EML1: variants seen among roughly 807,000 people sequenced by gnomAD.
EML1 encodes echinoderm microtubule-associated protein-like 1.
Under a neutral mutation model 110.4 loss-of-function variants are expected in EML1, and 27 were observed. The ratio of observed to expected loss-of-function variants is 0.24; its 90% CI spans 0.18 to 0.34. EML1 has a LOEUF of 0.34. Ranked by LOEUF, EML1 falls within the 10% of genes least tolerant of loss-of-function variation. The probability of loss-of-function intolerance (pLI) is 1.00; values close to 1 mark genes in which losing one functional copy is unlikely to be tolerated. For missense variants in EML1, 741 were observed against 1,030.9 expected (o/e 0.72, Z 3.85); for synonymous variants, 344 against 385.8 (o/e 0.89, Z 1.27).
At chr14:99,875,868 T>C (rs1715328535) in intron 3 of EML1, among the ~76,000 whole-genome samples, 1 of 152,196 alleles carries the variant, frequency 6.6e-6, no homozygotes, top group Admixed American at 6.5e-5. Flanking sequence ...TGTCCCCAAA[T>C]TGAGCATTCT....
intron 4 of EML1, among the ~76,000 whole-genome samples, chr14:99,880,255 T>TA (rs1408002579): frequency 2.0e-5 from 3 of 152,326 alleles, no homozygotes; most frequent in Admixed American, 2.0e-4. Flanking sequence ...CAGAGACAGT[T>TA]ACTGTCTCCT....
At chr14:99,927,474 A>C (rs775725597) in intron 17 of EML1, among the ~76,000 whole-genome samples, 2 of 152,216 alleles carry the variant, frequency 1.3e-5, no homozygotes, top group Non-Finnish European at 2.9e-5. Flanking sequence ...TAGGAGGCAC[A>C]TAATGGGTTT....
intron 1 of EML1, among the ~76,000 whole-genome samples, chr14:99,750,214 C>T (rs756603356): frequency 1.3e-5 from 2 of 152,198 alleles, no homozygotes; most frequent in Non-Finnish European, 2.9e-5. Flanking sequence ...AATTCACGTT[C>T]CATGCTGGAA....
At chr14:99,927,889 T>C (rs111448922) in intron 17 of EML1, among the ~76,000 whole-genome samples, 1 of 3,578 alleles carries the variant, frequency 2.8e-4, no homozygotes, top group African/African-American at 1.5e-3. Flanking sequence ...GTGGTGGTGG[T>C]GGTGGTGGTG....
chr14:99,924,508 T>C (rs921645357), intron 17 of EML1, among the ~76,000 whole-genome samples: 4 of 152,206 alleles, frequency 2.6e-5, no homozygotes, highest in African/African-American at 7.2e-5. Context: ...AGTAGAACAA[T>C]ATAACAATAT....
At chr14:99,938,541 T>C (rs1173988543) in intron 20 of EML1, among the ~76,000 whole-genome samples, 1 of 152,084 alleles carries the variant, frequency 6.6e-6, no homozygotes, top group Non-Finnish European at 1.5e-5. Context: ...TCCCCGACAA[T>C]GGTCAGAAGA....
intron 1 of EML1, among the ~76,000 whole-genome samples, chr14:99,847,028 A>G (rs1314921835): frequency 6.6e-6 from 1 of 152,046 alleles, no homozygotes; most frequent in Non-Finnish European, 1.5e-5. Flanking sequence ...CTTTAGCTGC[A>G]TCCCATGTAT....
chr14:99,748,700 A>G (rs987284576), intron 1 of EML1, among the ~76,000 whole-genome samples: 5 of 152,236 alleles, frequency 3.3e-5, no homozygotes, highest in Non-Finnish European at 7.3e-5. Flanking sequence ...CACACATTTA[A>G]AAGTATATAT....
chr14:99,870,981 C>T (rs572660142), intron 3 of EML1, among the ~76,000 whole-genome samples: 49 of 151,216 alleles, frequency 3.2e-4, no homozygotes, highest in Non-Finnish European at 5.5e-4. Flanking sequence ...TTTTTTGAGA[C>T]AGTCTTGCTC....
At chr14:99,907,826 C>A (rs1004005472) in intron 10 of EML1, 93 bp downstream of exon 10, 2 of 1,138,644 alleles carry the variant, frequency 1.8e-6, no homozygotes, top group African/African-American at 1.5e-5. Context: ...GGGCTCATTC[C>A]CACCCCAGCC....
chr14:99,938,876 T>A (rs1426426893), intron 20 of EML1, among the ~76,000 whole-genome samples: 1 of 152,162 alleles, frequency 6.6e-6, no homozygotes, highest in Non-Finnish European at 1.5e-5. Flanking sequence ...AGGAGAGGTG[T>A]CACTTTGGAA....
At chr14:99,809,631 C>T (rs757857339) in intron 1 of EML1, 9 of 456,086 alleles carry the variant, frequency 2.0e-5, no homozygotes, top group Non-Finnish European at 3.5e-5. Context: ...AGGCCTGCAA[C>T]GTCTTATCTG....
intron 16 of EML1, among the ~76,000 whole-genome samples, chr14:99,918,807 C>T (rs1030844018): frequency 2.0e-5 from 3 of 152,010 alleles, no homozygotes; most frequent in Admixed American, 6.5e-5. Flanking sequence ...ACAGCGAGAC[C>T]CCATCTCTAA....
In EML1 at chr14:99,939,718, G is replaced by A. The variant is rs1236793515; in HGVS notation, c.2323-269G>A. On this transcript the variant is annotated intron_variant, in intron 21 of 21. Transcript: ENST00000262233. This position sits in a 1 kb window ranked among gnomAD's most constrained non-coding sequence, Gnocchi z 4.2. ...ATCTGGTTAGGCCCACCTTTGGGGC[G>A]ACCTCATACCTGGCACCTCTGATAC... Among the ~76,000 whole-genome samples the A allele has an allele frequency of 6.6e-6, 1 of 152,058 alleles. No individual in the cohort carries two copies. Among genetic ancestry groups the A allele is most frequent in the African/African-American group, 2.4e-5 (1 of 41,398 alleles).
intron 1 of EML1, among the ~76,000 whole-genome samples, chr14:99,739,101 A>AGAGAGT: frequency 1.0e-5 from 1 of 98,554 alleles, no homozygotes; most frequent in African/African-American, 3.6e-5. Context: ...TGAGAGAGAG[A>AGAGAGT]GACAGAGAGA....
At chr14:99,900,895 A>G in intron 8 of EML1, 34 bp from the exon 9 acceptor site, 4 of 1,579,490 alleles carry the variant, frequency 2.5e-6, no homozygotes, top group African/African-American at 1.3e-5. Flanking sequence ...TATCACCATC[A>G]CAATTGATGG....
chr14:99,909,294 C>T (rs1346243354), intron 10 of EML1, 51 bp from the exon 11 acceptor site: 4 of 1,613,544 alleles, frequency 2.5e-6, no homozygotes, highest in Non-Finnish European at 3.4e-6. Flanking sequence ...CTACATGTCT[C>T]TTACGCGTCT....
At chr14:99,817,397 AG>A (rs2058186093) in intron 1 of EML1, among the ~76,000 whole-genome samples, 1 of 152,202 alleles carries the variant, frequency 6.6e-6, no homozygotes, top group South Asian at 2.1e-4. Flanking sequence ...GCGTCATCAA[AG>A]GCCTTTGTAT....
At chr14:99,872,060 C>A (rs1341331070) in intron 3 of EML1, among the ~76,000 whole-genome samples, 2 of 152,192 alleles carry the variant, frequency 1.3e-5, no homozygotes, top group Admixed American at 1.3e-4. Context: ...TATGCCCCAT[C>A]CTGTCTGTGT....
Sources: gnomAD v4.1 joint callset for allele counts (sites outside exome capture counted in the v4.1 genomes callset) on GRCh38, gnomAD v4.1.1 for gene constraint, Gnocchi (gnomAD v3.1) non-coding constraint, MANE v1.5 for transcripts, NCBI Gene and HGNC (gene_info 2026-07-23, HGNC 2026-07-21) for gene names.